ACMSD: variants seen among roughly 807,000 people sequenced by gnomAD.
ACMSD encodes aminocarboxymuconate semialdehyde decarboxylase.
In ACMSD, 37 loss-of-function variants were observed where a neutral mutation model predicts 45.9. That is an observed-to-expected ratio of 0.81 (90% CI 0.62 to 1.06). The LOEUF (loss-of-function observed/expected upper bound fraction) is 1.06. ACMSD is among the 50% of genes least tolerant of loss of function. The probability of loss-of-function intolerance (pLI) is 0.00; values close to 1 mark genes in which losing one functional copy is unlikely to be tolerated. For missense variants in ACMSD, 434 were observed against 420.9 expected (o/e 1.03, Z -0.27); for synonymous variants, 138 against 148.8 (o/e 0.93, Z 0.53).
In ACMSD at chr2:134,863,599, C is replaced by G. The variant is rs756194740; in HGVS notation, c.454C>G (p.Leu152Val). Residue 152 changes from leucine to valine, a missense_variant, in exon 5 of 10, where the codon CTG (leucine) becomes GTG (valine). By Grantham distance (32) the Leu-to-Val change is conservative (BLOSUM62 1). Transcript: ENST00000356140. Reference sequence around the variant, plus strand: ...TGGCACCCACGTCAACGAGTGGGACCTGAACGCGCAGGAGCTCTTTCCTGT... The same window carrying G: ...TGGCACCCACGTCAACGAGTGGGACGTGAACGCGCAGGAGCTCTTTCCTGT... ...QIGTHVNEWD[L>V]NAQELFPVYA... 4.7e-5 allele frequency: 76 copies of G among 1,614,090 alleles called. No homozygotes were observed. The highest frequency in any genetic ancestry group is 6.0e-5 in the Non-Finnish European group (71 of 1,180,032).
intron 8 of ACMSD, among the ~76,000 whole-genome samples, chr2:134,881,505 G>C (rs1057252997): frequency 2.6e-5 from 4 of 152,104 alleles, no homozygotes; most frequent in Non-Finnish European, 5.9e-5. Flanking sequence ...AGGCCCAATG[G>C]ATAAAACTTC....
At chr2:134,867,126 G>C (rs1180863672) in intron 5 of ACMSD, among the ~76,000 whole-genome samples, 1 of 152,222 alleles carries the variant, frequency 6.6e-6, no homozygotes, top group African/African-American at 2.4e-5. Flanking sequence ...GGAAAAGGAG[G>C]GGGCACTCTC....
chr2:134,888,930 T>C (rs1321391438), intron 8 of ACMSD, among the ~76,000 whole-genome samples: 1 of 152,206 alleles, frequency 6.6e-6, no homozygotes, highest in Non-Finnish European at 1.5e-5. Flanking sequence ...ATGTGGGCAA[T>C]GCCAGTGTAT....
At position 134,871,678 on chromosome 2, in the gene ACMSD, G is replaced by GACACACACACAC. The variant is rs368267244; in HGVS notation, c.676+621_676+622insCACACACACACA. Among the ~76,000 whole-genome samples, 453 of 137,716 alleles carry GACACACACACAC rather than the reference G, an allele frequency of 3.3e-3. 3 individuals carry two copies. The highest frequency in any genetic ancestry group is 0.019 in the East Asian group (80 of 4,254). The allele number at this position is 137,716 out of a possible 152,430, so 90.3% of individuals were successfully genotyped here. ...TAGTTGAATTTGTGACCCTTCAACA[G>GACACACACACAC]ACAGACACACACACACACACACACA... On this transcript the variant is annotated intron_variant, in intron 7 of 9. Transcript: ENST00000356140.
intron 8 of ACMSD, among the ~76,000 whole-genome samples, chr2:134,886,118 G>A (rs1041738664): frequency 1.3e-5 from 2 of 151,800 alleles, no homozygotes; most frequent in Admixed American, 1.3e-4. Context: ...TGGAATTCCA[G>A]GAATAGGATG....
At chr2:134,841,652 T>C (rs1038264066) in intron 1 of ACMSD, among the ~76,000 whole-genome samples, 4 of 152,156 alleles carry the variant, frequency 2.6e-5, no homozygotes, top group African/African-American at 9.7e-5. Context: ...ATGTTTCAGG[T>C]TGATCTGCAA....
intron 2 of ACMSD, among the ~76,000 whole-genome samples, chr2:134,850,631 A>G (rs1255487446): frequency 6.7e-6 from 1 of 149,852 alleles, no homozygotes; most frequent in Non-Finnish European, 1.5e-5. Context: ...TATCTTGTCC[A>G]ATACCTTCAA....
At chr2:134,886,124 G>A (rs1291537208) in intron 8 of ACMSD, among the ~76,000 whole-genome samples, 5 of 151,898 alleles carry the variant, frequency 3.3e-5, no homozygotes, top group South Asian at 2.1e-4. Flanking sequence ...TCCAGGAATA[G>A]GATGGCCTTA....
chr2:134,858,983 C>G (rs563974383), intron 2 of ACMSD, among the ~76,000 whole-genome samples: 1 of 148,068 alleles, frequency 6.8e-6, no homozygotes, highest in South Asian at 2.3e-4. Context: ...AGGTGATCAG[C>G]CATTCTCAGT....
intron 8 of ACMSD, among the ~76,000 whole-genome samples, chr2:134,874,063 C>T (rs957487560): frequency 2.6e-5 from 4 of 152,202 alleles, no homozygotes; most frequent in Non-Finnish European, 5.9e-5. Context: ...ACTATCAGCA[C>T]CTTCAGCGAG....
chr2:134,901,713 A>AT (rs930171265), intron 9 of ACMSD, 85 bp from the exon 10 acceptor site: 2 of 955,438 alleles, frequency 2.1e-6, no homozygotes, highest in Non-Finnish European at 3.0e-6. Context: ...TGGGGAGCTG[A>AT]TTTTTTTAAA....
At chr2:134,878,408 C>T (rs1278774218) in intron 8 of ACMSD, among the ~76,000 whole-genome samples, 1 of 152,162 alleles carries the variant, frequency 6.6e-6, no homozygotes, top group Non-Finnish European at 1.5e-5. Context: ...CTCACTGCAA[C>T]CTCCACTCCC....
At chr2:134,838,843 G>C (rs943247620) in intron 1 of ACMSD, 104 bp downstream of exon 1, 30 of 750,838 alleles carry the variant, frequency 4.0e-5, no homozygotes, top group Non-Finnish European at 6.1e-5. Flanking sequence ...CTGCTTTGGT[G>C]GGGGGCGAGG....
At chr2:134,863,675 T>C (rs748118338) in intron 5 of ACMSD, 44 bp downstream of exon 5, 1 of 1,599,528 alleles carries the variant, frequency 6.3e-7, no homozygotes, top group Non-Finnish European at 8.6e-7. Flanking sequence ...GCCCAGTGCC[T>C]GGGCCGGGGG....
At chr2:134,841,201 T>A (rs978095259) in intron 1 of ACMSD, among the ~76,000 whole-genome samples, 1 of 152,160 alleles carries the variant, frequency 6.6e-6, no homozygotes. Flanking sequence ...GCAGATAAGA[T>A]TTATATTATT....
chr2:134,860,156 A>C (rs779400768), intron 3 of ACMSD, among the ~76,000 whole-genome samples: 1 of 152,226 alleles, frequency 6.6e-6, no homozygotes, highest in Non-Finnish European at 1.5e-5. Flanking sequence ...CCAGATGCTC[A>C]GGAGACAAAG....
intron 6 of ACMSD, chr2:134,869,170 C>T (rs1435542955): frequency 6.6e-6 from 1 of 151,866 alleles, no homozygotes; most frequent in East Asian, 1.9e-4. Context: ...AAAATGTCAC[C>T]CTTATTCACA....
At chr2:134,878,223 A>G (rs1688855667) in intron 8 of ACMSD, among the ~76,000 whole-genome samples, 1 of 152,226 alleles carries the variant, frequency 6.6e-6, no homozygotes, top group African/African-American at 2.4e-5. Context: ...AGAGCTTCAG[A>G]GGAGGTCACT....
intron 3 of ACMSD, 21 bp downstream of exon 3, chr2:134,859,378 A>G (rs750319385): frequency 3.1e-6 from 5 of 1,607,872 alleles, no homozygotes; most frequent in African/African-American, 1.3e-5. Flanking sequence ...AAGTGCTACC[A>G]ATGTTAGCAT....
Sources: allele counts gnomAD v4.1 joint callset (sites outside exome capture counted in the v4.1 genomes callset), GRCh38; gene constraint gnomAD v4.1.1; transcripts MANE v1.5; gene names NCBI Gene and HGNC (gene_info 2026-07-23, HGNC 2026-07-21).